CDK12: variants seen among roughly 807,000 people sequenced by gnomAD.
The protein encoded by CDK12 is cyclin dependent kinase 12, also known as cyclin-dependent kinase 12.
A neutral mutation model predicts 133.8 loss-of-function variants in CDK12; 17 were observed. That is an observed-to-expected ratio of 0.13 (90% CI 0.09 to 0.19). The LOEUF is 0.19. Ranked by LOEUF, CDK12 falls within the 10% of genes least tolerant of loss-of-function variation. CDK12 has a pLI of 1.00. For synonymous variants in CDK12, 694 were observed against 683.6 expected (o/e 1.02, Z -0.24); for missense variants, 1,508 against 1,818.7 (o/e 0.83, Z 3.11).
intron 3 of CDK12, among the ~76,000 whole-genome samples, chr17:39,560,941 G>T (rs896028723): frequency 1.3e-5 from 2 of 152,168 alleles, no homozygotes; most frequent in African/African-American, 2.4e-5. Context: ...CCTCCACCAG[G>T]GGGTGGAGGC....
chr17:39,472,812 A>G lies in CDK12; in HGVS notation c.1931+1049A>G, dbSNP rs192435499. Among the ~76,000 whole-genome samples, 164 of 152,218 alleles carry G rather than the reference A, an allele frequency of 1.1e-3. 1 individual carries two copies. Among genetic ancestry groups the G allele is most frequent in the Non-Finnish European group, 1.7e-3 (119 of 68,016 alleles). Reference sequence around the variant, plus strand: ...TGCTATCGGCCAGGCGCGGTGGCTCACGCCTGTAATCCCAGCACTTTGGGA... The same window carrying G: ...TGCTATCGGCCAGGCGCGGTGGCTCGCGCCTGTAATCCCAGCACTTTGGGA... On this transcript the variant is annotated intron_variant, in intron 2 of 13. Coordinates refer to ENST00000447079, the MANE Select transcript of CDK12 (RefSeq NM_016507.4).
intron 6 of CDK12, 93 bp from the exon 7 acceptor site, chr17:39,509,612 A>G: frequency 1.2e-6 from 1 of 810,254 alleles, no homozygotes; most frequent in Non-Finnish European, 2.1e-6. Flanking sequence ...TATTTTTGTA[A>G]TTCCTTTACC....
intron 2 of CDK12, among the ~76,000 whole-genome samples, chr17:39,486,755 T>C (rs995853363): frequency 1.3e-5 from 2 of 152,120 alleles, no homozygotes; most frequent in African/African-American, 4.8e-5. Flanking sequence ...ATGTCTGTAA[T>C]CCCAGCACTT....
At chr17:39,509,673 G>A (rs750059584) in intron 6 of CDK12, 32 bp from the exon 7 acceptor site, 3 of 1,565,380 alleles carry the variant, frequency 1.9e-6, no homozygotes, top group Admixed American at 3.3e-5. Context: ...CACTGCTATG[G>A]CTTATGAAAA....
chr17:39,467,702 A>G (rs2145089013), intron 1 of CDK12, among the ~76,000 whole-genome samples: 1 of 152,194 alleles, frequency 6.6e-6, no homozygotes, highest in South Asian at 2.1e-4. Context: ...TTTCCCTGGG[A>G]TAGAGATGTT....
rs1435206908 is a variant in CDK12 at position 39,462,776 on chromosome 17, T to C, written c.705T>C (p.Asp235=). The change falls in exon 1 of 14, where the codon GAT becomes GAC. Residue 235 remains aspartate (D), a synonymous_variant. Transcript: ENST00000447079. ...GGTCTGACAGCTCCAAACAAGATGA[T>C]AGCCCCTCGGGAGCTTCTTATGGCC... ...RKWSDSSKQD[D]SPSGASYGQD... 1.1e-5 allele frequency: 18 copies of C among 1,614,078 alleles called. No individual in the cohort carries two copies. The Admixed American group carries it at 3.0e-4, about 27-fold the overall frequency.
At chr17:39,517,906 G>C (rs2053911628) in intron 10 of CDK12, among the ~76,000 whole-genome samples, 1 of 151,778 alleles carries the variant, frequency 6.6e-6, no homozygotes, top group Non-Finnish European at 1.5e-5. Context: ...AGGCTGGAGT[G>C]CAGTGGCACG....
chr17:39,545,103 G>A (rs2055620987), upstream of CDK12, among the ~76,000 whole-genome samples: 1 of 152,148 alleles, frequency 6.6e-6, no homozygotes, highest in African/African-American at 2.4e-5. Flanking sequence ...TTGTCCAGCT[G>A]TGCTAATGGA....
chr17:39,515,520 T>C (rs1037876547), intron 8 of CDK12, among the ~76,000 whole-genome samples: 3 of 152,188 alleles, frequency 2.0e-5, no homozygotes, highest in Non-Finnish European at 2.9e-5. Context: ...CCTTAATAGG[T>C]GGCAAAAGTT....
At chr17:39,566,554 G>C (rs2056581869), downstream of CDK12, among the ~76,000 whole-genome samples, 1 of 152,068 alleles carries the variant, frequency 6.6e-6, no homozygotes, top group Non-Finnish European at 1.5e-5. Flanking sequence ...CTAACTCACA[G>C]ACTGTACAGT....
Position 39,530,937 on chromosome 17 carries a change from C to A in CDK12, c.4094C>A (p.Ser1365Tyr), listed in dbSNP as rs539152978. 9 of 1,614,200 alleles carry A rather than the reference C, an allele frequency of 5.6e-6. No homozygotes were observed. In the African/African-American group the frequency reaches 1.1e-4, roughly 19 times the overall value. Residue 1365 changes from serine to tyrosine, a missense_variant, in exon 14 of 14, where the codon TCC becomes TAC. Ser to Tyr is a moderately radical substitution (Grantham distance 144). Transcript: ENST00000447079. ...AACTCTGGTCCAGCCTTGACAGAATCCTTGGTCCAGACCCTGGTGAAGAAC... is the reference window on the plus strand; with the variant it reads ...AACTCTGGTCCAGCCTTGACAGAATACTTGGTCCAGACCCTGGTGAAGAAC... Reference protein sequence around the residue: ...ERNSGPALTESLVQTLVKNRT... With the variant: ...ERNSGPALTEYLVQTLVKNRT...
intron 2 of CDK12, among the ~76,000 whole-genome samples, chr17:39,483,139 C>T (rs2050854492): frequency 6.6e-6 from 1 of 152,022 alleles, no homozygotes; most frequent in African/African-American, 2.4e-5. Context: ...TCTCGAACTC[C>T]TGTCCTCAAG....
intron 6 of CDK12, among the ~76,000 whole-genome samples, chr17:39,501,949 A>G (rs1567744310): frequency 6.7e-6 from 1 of 149,864 alleles, no homozygotes; most frequent in Non-Finnish European, 1.5e-5. Context: ...GGTTCAAGCG[A>G]TTCTCCTGCC....
chr17:39,544,192 C>T (rs2055560575), upstream of CDK12: 1 of 477,924 alleles, frequency 2.1e-6, no homozygotes, highest in Non-Finnish European at 4.2e-6. Flanking sequence ...CAAAGATGTT[C>T]TTTGGTGTCT....
intron 9 of CDK12, among the ~76,000 whole-genome samples, chr17:39,516,734 C>T (rs867759050): frequency 8.2e-5 from 12 of 146,228 alleles, no homozygotes; most frequent in Middle Eastern, 3.5e-3. Context: ...GTGATCTTGG[C>T]TCACTGCAAG....
At chr17:39,495,521 G>A (rs1263085441) in intron 5 of CDK12, among the ~76,000 whole-genome samples, 1 of 151,538 alleles carries the variant, frequency 6.6e-6, no homozygotes, top group East Asian at 1.9e-4. Context: ...GCCAGGCGCA[G>A]TGGCTCACGC....
rs926249570 is a variant in CDK12 at position 39,533,595 on chromosome 17, C to G, written c.*2279C>G. ...TCAATAATGTTTTTCCCTCCCCTCT[C>G]CCACCTCTTATTTTTAATTATGCCA... On this transcript the variant is annotated 3_prime_UTR_variant, in exon 14 of 14. Transcript: ENST00000447079. 4.3e-6 allele frequency: 1 copy of G among 233,180 alleles called. No homozygotes were observed. Among genetic ancestry groups the G allele is most frequent in the Non-Finnish European group, 8.5e-6 (1 of 117,952 alleles). The allele number at this position is 233,180 out of a possible 1,614,324, so 14.4% of individuals were successfully genotyped here.
chr17:39,563,878 T>A (rs1312838669), intron 3 of CDK12, among the ~76,000 whole-genome samples: 1 of 152,098 alleles, frequency 6.6e-6, no homozygotes, highest in Non-Finnish European at 1.5e-5. Flanking sequence ...AAAAACAGAT[T>A]ATGCCCCTCG....
intron 6 of CDK12, among the ~76,000 whole-genome samples, chr17:39,503,690 C>A (rs2052892296): frequency 1.3e-5 from 2 of 152,118 alleles, no homozygotes; most frequent in South Asian, 4.1e-4. Flanking sequence ...GGTTGCTAAG[C>A]AGGATACAGG....
Sources: gnomAD v4.1 joint callset for allele counts (sites outside exome capture counted in the v4.1 genomes callset) on GRCh38, gnomAD v4.1.1 for gene constraint, MANE v1.5 for transcripts, NCBI Gene and HGNC (gene_info 2026-07-23, HGNC 2026-07-21) for gene names.